The following TNKS variants were observed in gnomAD, a reference collection of about 807,000 sequenced individuals.
The protein encoded by TNKS is poly [ADP-ribose] polymerase tankyrase-1.
TNKS carries 72 observed loss-of-function variants against 135.8 expected under a neutral mutation model. That is an observed-to-expected ratio of 0.53 (90% CI 0.44 to 0.64). The LOEUF (loss-of-function observed/expected upper bound fraction) is 0.64. Among genes scored for constraint, TNKS ranks in the 30% least tolerant of loss-of-function variants. The pLI is 0.00. For synonymous variants in TNKS, 849 were observed against 649.3 expected (o/e 1.31, Z -4.68); for missense variants, 1,769 against 1,674.0 (o/e 1.06, Z -0.99).
intron 1 of TNKS, among the ~76,000 whole-genome samples, chr8:9,569,168 T>G (rs1451468456): frequency 6.6e-6 from 1 of 152,226 alleles, no homozygotes; most frequent in Non-Finnish European, 1.5e-5. Context: ...ATTTTATCAT[T>G]GGGAACAAAT....
rs1168343279 is a variant in TNKS at position 9,577,023 on chromosome 8, G to C, written c.674-3136G>C. On this transcript the variant is annotated intron_variant, in intron 1 of 26. Transcript: ENST00000310430. ...TCTGGGGAAGCAAAGAGGGGACTAG[G>C]ATTGAGGGTAAGAGTTCAACTGTAT... Among the ~76,000 whole-genome samples the C allele has an allele frequency of 3.3e-5, 5 of 152,296 alleles. No homozygotes were observed. In the East Asian group the frequency reaches 7.7e-4, roughly 24 times the overall value.
At chr8:9,656,263 A>G (rs1801361416) in intron 3 of TNKS, among the ~76,000 whole-genome samples, 1 of 152,266 alleles carries the variant, frequency 6.6e-6, no homozygotes, top group Non-Finnish European at 1.5e-5. Flanking sequence ...CTACGTCCTG[A>G]TTGGTGTACC....
At position 9,556,484 on chromosome 8, in the gene TNKS, C is replaced by A. The variant is rs746973116; in HGVS notation, c.545C>A (p.Ala182Asp). ...ACAGGGGTCCCAGCAGTGAGCGGGG[C>A]CCTACGGGAACTGCTGGAGGCCTGT... is the stretch of plus-strand genomic sequence containing the variant. The part of the protein sequence containing the change: ...PGTGVPAVSG[A>D]LRELLEACRN... Residue 182 changes from alanine to aspartate, a missense_variant, in exon 1 of 27, where the codon GCC (alanine) becomes GAC (aspartate). This residue lies in a region of TNKS where 450 missense variants were observed against 304.9 expected (regional missense o/e 1.48). Transcript: ENST00000310430. 23 of 1,614,108 alleles carry A rather than the reference C, an allele frequency of 1.4e-5. No individual in the cohort carries two copies. The highest frequency in any genetic ancestry group is 1.9e-5 in the Non-Finnish European group (22 of 1,180,026).
intron 20 of TNKS, among the ~76,000 whole-genome samples, chr8:9,756,699 T>TA (rs1182617129): frequency 6.6e-6 from 1 of 152,232 alleles, no homozygotes; most frequent in African/African-American, 2.4e-5. Context: ...GTCTCATAGT[T>TA]ACCCAGCTAC....
At position 9,781,714 on chromosome 8, in the gene TNKS, C is replaced by T. The variant is rs1289477312; in HGVS notation, c.*4978C>T. ...CAGCTTTGAGAAAATGTTATGTTGCCTGGCAACAGCACTCGGAGTAGTAAT... is the reference window on the plus strand; with the variant it reads ...CAGCTTTGAGAAAATGTTATGTTGCTTGGCAACAGCACTCGGAGTAGTAAT... On this transcript the variant is annotated 3_prime_UTR_variant, in exon 27 of 27. Coordinates refer to ENST00000310430, the MANE Select transcript of TNKS (RefSeq NM_003747.3). 1.3e-5 allele frequency: 2 copies of T among 152,588 alleles called. No homozygotes were observed. Among genetic ancestry groups the T allele is most frequent in the African/African-American group, 4.8e-5 (2 of 41,430 alleles). 9.5% of individuals were successfully genotyped at this position (152,588 alleles called of 1,614,324 possible). A position where few individuals can be genotyped will look rare whatever the true frequency, so the allele number is the denominator to read the frequency against.
intron 21 of TNKS, among the ~76,000 whole-genome samples, chr8:9,761,954 G>C (rs936589887): frequency 6.6e-6 from 1 of 152,170 alleles, no homozygotes. Context: ...TTTATCTCCA[G>C]CCTTTACATT....
At chr8:9,623,504 A>T in intron 3 of TNKS, among the ~76,000 whole-genome samples, 1 of 150,636 alleles carries the variant, frequency 6.6e-6, no homozygotes, top group Non-Finnish European at 1.5e-5. Flanking sequence ...GTGCAGTAGC[A>T]TTATGTCTAA....
intron 5 of TNKS, among the ~76,000 whole-genome samples, chr8:9,683,075 C>G (rs1372460800): frequency 6.6e-6 from 1 of 151,836 alleles, no homozygotes; most frequent in East Asian, 1.9e-4. Context: ...AAATAATTAA[C>G]AATTGCTCAT....
chr8:9,773,989 G>A (rs1273745247), intron 26 of TNKS, among the ~76,000 whole-genome samples: 1 of 152,110 alleles, frequency 6.6e-6, no homozygotes, highest in East Asian at 1.9e-4. Context: ...CACGTTTTAT[G>A]TGTTTTTGAT....
chr8:9,671,148 G>A (rs908898167), intron 3 of TNKS: 1 of 151,866 alleles, frequency 6.6e-6, no homozygotes, highest in African/African-American at 2.4e-5. Context: ...TTCTATAGGT[G>A]ACATGAGAAT....
rs375949097 is a variant in TNKS, at chr8:9,555,936, G to T, written c.-4G>T. ...CGCAGTGACAGTGCTAGGGGAGTCC[G>T]AAGATGGCGGCGTCGCGTCGCTCTC... is the stretch of plus-strand genomic sequence containing the variant. On this transcript the variant is annotated 5_prime_UTR_variant, in exon 1 of 27. Coordinates refer to ENST00000310430, the MANE Select transcript of TNKS (RefSeq NM_003747.3). 4.4e-6 allele frequency: 7 copies of T among 1,608,078 alleles called. No individual in the cohort carries two copies. Among genetic ancestry groups the T allele is most frequent in the Non-Finnish European group, 5.1e-6 (6 of 1,177,544 alleles).
intron 17 of TNKS, among the ~76,000 whole-genome samples, chr8:9,736,327 G>A: frequency 7.9e-6 from 1 of 126,514 alleles, no homozygotes; most frequent in South Asian, 2.6e-4. Context: ...AGGCCACCCT[G>A]ATCAACATAG....
chr8:9,658,855 G>A (rs199830836), intron 3 of TNKS, among the ~76,000 whole-genome samples: 1 of 152,072 alleles, frequency 6.6e-6, no homozygotes, highest in South Asian at 2.1e-4. Context: ...ATGTGCAGAG[G>A]CACACATAGG....
At chr8:9,705,741 C>T (rs1435744074) in intron 6 of TNKS, among the ~76,000 whole-genome samples, 1 of 151,624 alleles carries the variant, frequency 6.6e-6, no homozygotes, top group African/African-American at 2.4e-5. Flanking sequence ...ATGTACACCA[C>T]AAAAAAAGGG....
At chr8:9,557,132 G>C (rs7013834) in intron 1 of TNKS, 2 of 159,086 alleles carry the variant, frequency 1.3e-5, no homozygotes, top group Admixed American at 1.2e-4. Context: ...TTGCAGTCTA[G>C]ACGGGGAGAC....
chr8:9,594,311 C>T (rs186975994), intron 2 of TNKS, among the ~76,000 whole-genome samples: 1 of 152,278 alleles, frequency 6.6e-6, no homozygotes, highest in Admixed American at 6.5e-5. Flanking sequence ...GATGATAACT[C>T]TCACACCTTG....
chr8:9,718,708 C>G (rs79484583), intron 11 of TNKS, among the ~76,000 whole-genome samples: 192 of 152,252 alleles, frequency 1.3e-3, no homozygotes, highest in African/African-American at 4.5e-3. Context: ...CTAAAACTGC[C>G]AGACATCTAT....
At chr8:9,615,517 A>C in intron 2 of TNKS, 65 bp from the exon 3 acceptor site, 1 of 1,351,430 alleles carries the variant, frequency 7.4e-7, no homozygotes, top group Non-Finnish European at 1.0e-6. Flanking sequence ...TGCCGAGACG[A>C]CACTTACCAG....
At chr8:9,617,966 G>C (rs1289181800) in intron 3 of TNKS, among the ~76,000 whole-genome samples, 2 of 148,446 alleles carry the variant, frequency 1.3e-5, no homozygotes, top group African/African-American at 4.9e-5. Flanking sequence ...AATTAATAAA[G>C]TGACAATCTC....
Sources: allele counts gnomAD v4.1 joint callset (sites outside exome capture counted in the v4.1 genomes callset), GRCh38; gene constraint gnomAD v4.1.1; regional missense constraint gnomAD v4.1.1; transcripts MANE v1.5; gene names NCBI Gene and HGNC (gene_info 2026-07-23, HGNC 2026-07-21).